TRPM1: variants seen among roughly 807,000 people sequenced by gnomAD.
TRPM1 encodes the protein TRPM1-203 APA Isoform, Intron 10.
A neutral mutation model predicts 149.4 loss-of-function variants in TRPM1; 113 were observed. That is an observed-to-expected ratio of 0.76 (90% CI 0.65 to 0.88). The LOEUF (loss-of-function observed/expected upper bound fraction) is 0.88. TRPM1 is among the 40% of genes least tolerant of loss of function. TRPM1 has a pLI of 0.00. For synonymous variants in TRPM1, 741 were observed against 759.5 expected (o/e 0.98, Z 0.40); for missense variants, 1,976 against 2,038.7 (o/e 0.97, Z 0.59).
Position 31,035,738 on chromosome 15 carries a change from G to A in TRPM1, c.2572-64C>T, listed in dbSNP as rs1596002299. On this transcript the variant is annotated intron_variant, in intron 20 of 27. Coordinates refer to ENST00000256552, the MANE Select transcript of TRPM1 (RefSeq NM_001252024.2). ...TCACATAGCAATCAAATTTTGAAAC[G>A]CTGTTTTCTTTCAGGTTGACACATC... 2.6e-5 allele frequency: 42 copies of A among 1,609,850 alleles called. No homozygotes were observed. The East Asian group carries it at 3.8e-4, about 15-fold the overall frequency.
rs201442201 is a variant in TRPM1 at position 31,028,327 on chromosome 15, C to T, written c.3293+5G>A. 299 of 1,614,064 alleles carry T rather than the reference C, an allele frequency of 1.9e-4. 1 individual carries two copies. In the African/African-American group the frequency reaches 3.3e-3, roughly 18 times the overall value. Reference sequence around the variant, plus strand: ...AAGCATGTGGTCATCGGCTGTGACACGTACTTGAACACAGCAATCAGCAGG... The same window carrying T: ...AAGCATGTGGTCATCGGCTGTGACATGTACTTGAACACAGCAATCAGCAGG... On this transcript the variant is annotated splice_donor_5th_base_variant and intron_variant, in intron 25 of 27. Coordinates refer to ENST00000256552, the MANE Select transcript of TRPM1 (RefSeq NM_001252024.2).
At position 31,027,084 on chromosome 15, in the gene TRPM1, G is replaced by T. The variant is rs1566997399; in HGVS notation, c.3327C>A (p.Asn1109Lys). The change falls in exon 26 of 28, where the codon AAC becomes AAA. Residue 1109 changes from asparagine to lysine, a missense_variant. Coordinates refer to ENST00000256552, the MANE Select transcript of TRPM1 (RefSeq NM_001252024.2). ...NTFFEVKSIS[N>K]QVWKFQRYQL... ...GATATCGCTGGAACTTCCACACCTG[G>T]TTGGATATTGATTTTACTTCAAAGA... The T allele has an allele frequency of 1.9e-6, 3 of 1,614,124 alleles. No homozygotes were observed. The highest frequency in any genetic ancestry group is 3.3e-4 in the Middle Eastern group (2 of 6,062).
intron 16 of TRPM1, 55 bp from the exon 17 acceptor site, chr15:31,042,298 G>A: frequency 6.5e-7 from 1 of 1,535,770 alleles, no homozygotes; most frequent in Non-Finnish European, 8.8e-7. Context: ...GCAACAAAGA[G>A]TTCCAGAACT....
intron 1 of TRPM1, among the ~76,000 whole-genome samples, chr15:31,091,093 G>T (rs536888239): frequency 8.5e-5 from 13 of 152,338 alleles, no homozygotes; most frequent in Admixed American, 5.2e-4. Flanking sequence ...CTGTTTCAAT[G>T]CCTGGGATCT....
chr15:31,029,504 A>G, intron 23 of TRPM1, 113 bp from the exon 24 acceptor site: 1 of 1,046,768 alleles, frequency 9.6e-7, no homozygotes, highest in Non-Finnish European at 1.5e-6. Context: ...TTAACAACAT[A>G]ACTGTTTTGC....
At position 31,063,197 on chromosome 15, in the gene TRPM1, T is replaced by C. The variant is rs2034281401; in HGVS notation, c.886A>G (p.Ile296Val). 1 of 1,614,210 alleles carries C rather than the reference T, an allele frequency of 6.2e-7. No homozygotes were observed. Among genetic ancestry groups the C allele is most frequent in the East Asian group, 2.2e-5 (1 of 44,880 alleles). ...CTGCCATCACAAATCACCACAGGGA[T>C]GGGAGGCTCTTCTTGCAGGTATTCC... ...VLEYLQEEPP[I>V]PVVICDGSGR... Residue 296 changes from isoleucine to valine, a missense_variant, in exon 8 of 28, where the codon ATC (isoleucine) becomes GTC (valine). Physicochemically the swap from Ile to Val is conservative, Grantham distance 29 (BLOSUM62 3). Coordinates refer to ENST00000256552, the MANE Select transcript of TRPM1 (RefSeq NM_001252024.2).
At chr15:31,089,274 T>G (rs533430663) in intron 1 of TRPM1, among the ~76,000 whole-genome samples, 1 of 148,964 alleles carries the variant, frequency 6.7e-6, no homozygotes, top group African/African-American at 2.6e-5. Context: ...TTGGCAATGG[T>G]GGGCCAACAT....
intron 20 of TRPM1, among the ~76,000 whole-genome samples, chr15:31,037,228 G>C (rs1238196987): frequency 6.6e-6 from 1 of 152,250 alleles, no homozygotes; most frequent in Non-Finnish European, 1.5e-5. Flanking sequence ...TGCCAGCCAA[G>C]CGGGTCAGTT....
At chr15:31,038,018 T>C in intron 19 of TRPM1, 26 bp downstream of exon 19, 2 of 1,614,076 alleles carry the variant, frequency 1.2e-6, no homozygotes, top group Non-Finnish European at 1.7e-6. Flanking sequence ...TACACTGATA[T>C]GCTTAGGGTC....
chr15:31,056,010 TAAG>T (rs1055139229), intron 11 of TRPM1, among the ~76,000 whole-genome samples: 2 of 152,282 alleles, frequency 1.3e-5, no homozygotes, highest in Middle Eastern at 3.4e-3. Context: ...AATAGGCTAA[TAAG>T]AAAATAAAAT....
chr15:31,062,145 A>G (rs919986684), intron 9 of TRPM1, among the ~76,000 whole-genome samples: 1 of 152,192 alleles, frequency 6.6e-6, no homozygotes, highest in Non-Finnish European at 1.5e-5. Context: ...GACAGGAGAT[A>G]TTTGTAGGAA....
intron 11 of TRPM1, among the ~76,000 whole-genome samples, chr15:31,053,394 A>C (rs1217902059): frequency 1.3e-5 from 2 of 148,782 alleles, no homozygotes; most frequent in African/African-American, 4.9e-5. Flanking sequence ...GGGACTACAG[A>C]TGTGTGCCAC....
chr15:31,060,591 C>T lies in TRPM1; in HGVS notation c.1216G>A (p.Val406Met), dbSNP rs1489063529. 9 of 1,614,252 alleles carry T rather than the reference C, an allele frequency of 5.6e-6. No homozygotes were observed. The highest frequency in any genetic ancestry group is 2.2e-5 in the East Asian group (1 of 44,894). ...AAGATCTGGCTTCGTGCTATGTCCACGCGGTTCCAAGCCAGTGCCAAGCTC... is the reference window on the plus strand; with the variant it reads ...AAGATCTGGCTTCGTGCTATGTCCATGCGGTTCCAAGCCAGTGCCAAGCTC... ...QLSLALAWNR[V>M]DIARSQIFVF... Residue 406 changes from valine (V) to methionine (M), a missense_variant, in exon 11 of 28, where the codon GTG becomes ATG. This residue lies in a region of TRPM1 where 1,332 missense variants were observed against 1,347.1 expected (regional missense o/e 0.99). Transcript: ENST00000256552.
intron 27 of TRPM1, among the ~76,000 whole-genome samples, chr15:31,007,661 A>G (rs745465181): frequency 0.078 from 8,626 of 110,054 alleles, 271 homozygotes; most frequent in Middle Eastern, 0.15. Context: ...AGCAACAACA[A>G]CAACAACAAC....
At chr15:31,024,406 C>G (rs2032650236) in intron 27 of TRPM1, among the ~76,000 whole-genome samples, 1 of 152,208 alleles carries the variant, frequency 6.6e-6, no homozygotes, top group Non-Finnish European at 1.5e-5. Flanking sequence ...GCCTTCTCCT[C>G]TTTCTGTCTT....
rs144301422 is a variant in TRPM1, at chr15:31,031,122, C to G, written c.2988G>C (p.Leu996=). ...CTACTCCGAAACTCATGAGCACGAC[C>G]AGCATGATGACCACAAAGTACAGCA... The part of the protein sequence containing the change: ...IDMLYFVVIM[L]VVLMSFGVAR... Residue 996 remains leucine (L), a synonymous_variant, in exon 23 of 28, where the codon CTG becomes CTC. Transcript: ENST00000256552. The G allele has an allele frequency of 3.1e-6, 5 of 1,614,196 alleles. No individual in the cohort carries two copies. The highest frequency in any genetic ancestry group is 4.2e-6 in the Non-Finnish European group (5 of 1,180,028).
intron 1 of TRPM1, among the ~76,000 whole-genome samples, chr15:31,113,322 C>G (rs1208158855): frequency 6.6e-6 from 1 of 152,158 alleles, no homozygotes; most frequent in Non-Finnish European, 1.5e-5. Context: ...CCTCTGAGCC[C>G]CTGACTGGGA....
At chr15:31,106,311 T>G (rs562830148), upstream of TRPM1, among the ~76,000 whole-genome samples, 15 of 126,828 alleles carry the variant, frequency 1.2e-4, no homozygotes, top group South Asian at 4.3e-3. Context: ...GCTAATTTTG[T>G]ATTTTTAGTA....
intron 1 of TRPM1, among the ~76,000 whole-genome samples, chr15:31,123,962 C>A (rs1008706743): frequency 6.6e-6 from 1 of 152,188 alleles, no homozygotes; most frequent in Non-Finnish European, 1.5e-5. Context: ...TGGGTACATG[C>A]AGTACCTCCA....
Sources: allele counts gnomAD v4.1 joint callset (sites outside exome capture counted in the v4.1 genomes callset), GRCh38; gene constraint gnomAD v4.1.1; regional missense constraint gnomAD v4.1.1; transcripts MANE v1.5; gene names NCBI Gene and HGNC (gene_info 2026-07-23, HGNC 2026-07-21).